FANCL: variants seen among roughly 807,000 people sequenced by gnomAD.
FANCL encodes the protein FA complementation group L, also known as E3 ubiquitin-protein ligase FANCL.
FANCL carries 69 observed loss-of-function variants against 59.4 expected under a neutral mutation model. The ratio of observed to expected loss-of-function variants is 1.16; its 90% CI spans 0.96 to 1.42. The LOEUF (loss-of-function observed/expected upper bound fraction) is 1.42. Ranked by LOEUF, FANCL falls within the 40% of genes most tolerant of loss-of-function variation. The probability of loss-of-function intolerance (pLI) is 0.00; values close to 1 mark genes in which losing one functional copy is unlikely to be tolerated. For missense variants in FANCL, 519 were observed against 447.2 expected, an observed-to-expected ratio of 1.16 and a Z score of -1.45; for synonymous variants, 180 against 147.1, an observed-to-expected ratio of 1.22 and a Z score of -1.62.
chr2:58,229,647 C>G (rs1180291426), intron 3 of FANCL, among the ~76,000 whole-genome samples, 167 bp downstream of exon 3: 1 of 152,224 alleles, frequency 6.6e-6, no homozygotes, highest in Non-Finnish European at 1.5e-5. Flanking sequence ...GCCTGGAGAT[C>G]TCCTGAGGAC....
At chr2:58,162,449 A>G (rs1685332152) in intron 11 of FANCL, among the ~76,000 whole-genome samples, 1 of 151,850 alleles carries the variant, frequency 6.6e-6, no homozygotes, top group African/African-American at 2.4e-5. Context: ...TATATAGTTG[A>G]CCCTTGAACA....
chr2:58,181,894 G>C (rs1687974630), intron 7 of FANCL, among the ~76,000 whole-genome samples: 1 of 151,616 alleles, frequency 6.6e-6, no homozygotes, highest in East Asian at 1.9e-4. Flanking sequence ...AGACTAATTT[G>C]CTTCATTTAA....
chr2:58,226,968 G>A (rs1439276105), intron 3 of FANCL, among the ~76,000 whole-genome samples, 184 bp from the exon 4 acceptor site: 8 of 152,176 alleles, frequency 5.3e-5, no homozygotes, highest in Non-Finnish European at 1.2e-4. Flanking sequence ...TTTTGAAACA[G>A]TAATTAATGT....
At chr2:58,206,383 A>G (rs922399985) in intron 5 of FANCL, among the ~76,000 whole-genome samples, 8 of 152,182 alleles carry the variant, frequency 5.3e-5, no homozygotes, top group African/African-American at 1.9e-4. Context: ...GTCTCAAAGA[A>G]TAAGACTGGG....
At chr2:58,219,157 AAAAAAAAAAAAAAAATAT>A (rs1436687645) in intron 5 of FANCL, among the ~76,000 whole-genome samples, 9 of 94,308 alleles carry the variant, frequency 9.5e-5, no homozygotes, top group African/African-American at 2.5e-4. Context: ...AAAAAAAAAA[AAAAAAAAAAAAAAAATAT>A]ATATATATAT....
intron 5 of FANCL, among the ~76,000 whole-genome samples, chr2:58,218,774 G>A (rs1289353465): frequency 6.6e-6 from 1 of 152,026 alleles, no homozygotes; most frequent in East Asian, 1.9e-4. Flanking sequence ...GTTTCTCCCT[G>A]TTGGAGTATG....
At chr2:58,189,294 G>A (rs1688701134) in intron 7 of FANCL, among the ~76,000 whole-genome samples, 1 of 141,074 alleles carries the variant, frequency 7.1e-6, no homozygotes, top group African/African-American at 2.6e-5. Context: ...TAAAAAACCA[G>A]TCATTCTGAT....
intron 13 of FANCL, 92 bp from the exon 14 acceptor site, chr2:58,159,892 A>C: frequency 6.4e-7 from 1 of 1,570,912 alleles, no homozygotes; most frequent in Non-Finnish European, 8.6e-7. Flanking sequence ...GAATAGTGTC[A>C]TAGTACAGTT....
intron 5 of FANCL, among the ~76,000 whole-genome samples, chr2:58,217,660 G>A (rs1691986015): frequency 6.6e-6 from 1 of 151,928 alleles, no homozygotes; most frequent in African/African-American, 2.4e-5. Flanking sequence ...TTATAAATCT[G>A]TATGTACCCA....
chr2:58,185,462 T>A (rs576766596), intron 7 of FANCL, among the ~76,000 whole-genome samples: 4 of 152,268 alleles, frequency 2.6e-5, no homozygotes, highest in African/African-American at 7.2e-5. Flanking sequence ...AACCTTGAGA[T>A]CATGAACCAT....
chr2:58,166,776 C>T (rs848287), intron 7 of FANCL, among the ~76,000 whole-genome samples: 39,695 of 152,172 alleles, frequency 0.26, 6,278 homozygotes, highest in South Asian at 0.4. Context: ...AGAAACTAGC[C>T]ACTTCCTTAA....
chr2:58,165,473 G>T (rs1005138007), intron 8 of FANCL, among the ~76,000 whole-genome samples: 3 of 152,056 alleles, frequency 2.0e-5, no homozygotes, highest in African/African-American at 7.2e-5. Context: ...CTAATTAGCA[G>T]CTAATTAAAC....
At chr2:58,236,610 G>A (rs1420201592) in intron 1 of FANCL, among the ~76,000 whole-genome samples, 1 of 151,900 alleles carries the variant, frequency 6.6e-6, no homozygotes, top group Non-Finnish European at 1.5e-5. Flanking sequence ...CACAGCAAGA[G>A]TAGATTTAAA....
chr2:58,159,442 C>T lies in FANCL; in HGVS notation c.*323G>A, dbSNP rs1259142882. The T allele has an allele frequency of 1.2e-6, 2 of 1,613,390 alleles. No homozygotes were observed. The highest frequency in any genetic ancestry group is 2.2e-5 in the East Asian group (1 of 44,854). ...ACAAAAAATCAGCTATACACAATTC[C>T]CAAACTCATTTTATGAGCCTCATCA... On this transcript the variant is annotated 3_prime_UTR_variant, in exon 14 of 14. Transcript: ENST00000233741.
At chr2:58,212,452 G>A (rs534970072) in intron 5 of FANCL, among the ~76,000 whole-genome samples, 1 of 152,224 alleles carries the variant, frequency 6.6e-6, no homozygotes, top group East Asian at 1.9e-4. Context: ...ATATCATAAA[G>A]TGATATGTAT....
At chr2:58,189,348 C>T (rs937118510) in intron 7 of FANCL, among the ~76,000 whole-genome samples, 3 of 151,966 alleles carry the variant, frequency 2.0e-5, no homozygotes, top group African/African-American at 7.3e-5. Flanking sequence ...TGTGTAGAAA[C>T]TAACAGCTTC....
intron 5 of FANCL, among the ~76,000 whole-genome samples, chr2:58,216,680 T>G (rs1691753136): frequency 6.6e-6 from 1 of 152,004 alleles, no homozygotes; most frequent in South Asian, 2.1e-4. Flanking sequence ...AAATATAAGA[T>G]CATATGACAA....
chr2:58,204,024 T>C (rs1690321176), intron 6 of FANCL, 106 bp downstream of exon 6: 1 of 854,734 alleles, frequency 1.2e-6, no homozygotes, highest in African/African-American at 1.6e-5. Flanking sequence ...AAGCATGATA[T>C]ATGTATTTTT....
intron 4 of FANCL, among the ~76,000 whole-genome samples, chr2:58,223,874 G>C (rs1237035178): frequency 6.6e-6 from 1 of 151,916 alleles, no homozygotes. Flanking sequence ...CTGATTTCAT[G>C]TGAGCATCAC....
Sources: gnomAD v4.1 joint callset for allele counts (sites outside exome capture counted in the v4.1 genomes callset) on GRCh38, gnomAD v4.1.1 for gene constraint, MANE v1.5 for transcripts, NCBI Gene and HGNC (gene_info 2026-07-23, HGNC 2026-07-21) for gene names.